The following FBXL17 variants were observed in gnomAD, a reference collection of about 807,000 sequenced individuals.
FBXL17 encodes F-box/LRR-repeat protein 17.
In FBXL17, 22 loss-of-function variants were observed where a neutral mutation model predicts 66.2. That is an observed-to-expected ratio of 0.33 (90% CI 0.24 to 0.47). The LOEUF (loss-of-function observed/expected upper bound fraction) is 0.47. Among genes scored for constraint, FBXL17 ranks in the 20% least tolerant of loss-of-function variants. FBXL17 has a pLI of 1.00. For missense variants in FBXL17, 878 were observed against 948.2 expected, an observed-to-expected ratio of 0.93 and a Z score of 0.97; for synonymous variants, 474 against 400.5, an observed-to-expected ratio of 1.18 and a Z score of -2.19.
intron 7 of FBXL17, among the ~76,000 whole-genome samples, chr5:107,979,393 A>T (rs912647416): frequency 6.6e-6 from 1 of 152,232 alleles, no homozygotes; most frequent in African/African-American, 2.4e-5. Flanking sequence ...GGACCCATCA[A>T]TGTTAAGGGA....
chr5:108,051,284 A>G (rs1747463951), intron 6 of FBXL17, among the ~76,000 whole-genome samples: 1 of 152,190 alleles, frequency 6.6e-6, no homozygotes. Context: ...ACACAACAAC[A>G]AAAAAGAAAA....
At chr5:108,233,153 A>T in intron 4 of FBXL17, among the ~76,000 whole-genome samples, 1 of 151,346 alleles carries the variant, frequency 6.6e-6, no homozygotes. Context: ...CTGAATAAAC[A>T]CCCTTATCAG....
intron 8 of FBXL17, among the ~76,000 whole-genome samples, chr5:107,877,092 C>T (rs528382166): frequency 6.6e-6 from 1 of 152,304 alleles, no homozygotes; most frequent in South Asian, 2.1e-4. Context: ...TCTTACAATG[C>T]ACTAAAGTTT....
chr5:108,341,012 C>T (rs1170155671), intron 4 of FBXL17, among the ~76,000 whole-genome samples: 2 of 151,960 alleles, frequency 1.3e-5, no homozygotes, highest in Non-Finnish European at 1.5e-5. Context: ...TCATATATGC[C>T]GTAGAGAACT....
At chr5:107,950,673 T>A (rs950212055) in intron 7 of FBXL17, among the ~76,000 whole-genome samples, 2 of 152,200 alleles carry the variant, frequency 1.3e-5, no homozygotes, top group African/African-American at 2.4e-5. Flanking sequence ...TTAGAACATG[T>A]TTTAGAGCTG....
At chr5:108,017,215 C>T (rs979955378) in intron 7 of FBXL17, among the ~76,000 whole-genome samples, 5 of 152,134 alleles carry the variant, frequency 3.3e-5, no homozygotes, top group African/African-American at 7.2e-5. Flanking sequence ...GAAAGTAGCA[C>T]AAAGGAGAGA....
chr5:107,956,046 A>G (rs1335734994), intron 7 of FBXL17, among the ~76,000 whole-genome samples: 1 of 152,168 alleles, frequency 6.6e-6, no homozygotes, highest in East Asian at 1.9e-4. Context: ...CACAGAAGGA[A>G]TCTTATCAAT....
chr5:108,096,674 TG>T (rs990366698), intron 6 of FBXL17, among the ~76,000 whole-genome samples: 15 of 152,264 alleles, frequency 9.9e-5, no homozygotes, highest in African/African-American at 3.6e-4. Context: ...TTCTTATTTG[TG>T]GGGTGTGGGA....
intron 6 of FBXL17, among the ~76,000 whole-genome samples, chr5:108,078,140 A>T (rs1488222915): frequency 6.6e-6 from 1 of 152,240 alleles, no homozygotes; most frequent in Non-Finnish European, 1.5e-5. Context: ...TGCCTACATC[A>T]TATATACAGG....
chr5:108,193,597 G>A (rs1753558925), intron 5 of FBXL17, among the ~76,000 whole-genome samples: 2 of 151,966 alleles, frequency 1.3e-5, no homozygotes, highest in Admixed American at 1.3e-4. Flanking sequence ...TCTCAGCTAG[G>A]GTATTAAAAT....
chr5:108,261,047 T>A (rs924614325), intron 4 of FBXL17, among the ~76,000 whole-genome samples: 1 of 152,054 alleles, frequency 6.6e-6, no homozygotes, highest in Admixed American at 6.6e-5. Flanking sequence ...AAAATAATGT[T>A]AAGTATTAGT....
intron 4 of FBXL17, among the ~76,000 whole-genome samples, chr5:108,317,698 A>T (rs1759435221): frequency 6.6e-6 from 1 of 151,468 alleles, no homozygotes; most frequent in African/African-American, 2.4e-5. Context: ...TTATACCAAT[A>T]AGCATAACCT....
intron 6 of FBXL17, among the ~76,000 whole-genome samples, chr5:108,151,700 C>G (rs114449835): frequency 6.6e-6 from 1 of 152,122 alleles, no homozygotes; most frequent in East Asian, 1.9e-4. Context: ...CTTTCTATTA[C>G]GCAAAATGGA....
chr5:107,989,601 A>C (rs1580293559), intron 7 of FBXL17, among the ~76,000 whole-genome samples: 1 of 152,156 alleles, frequency 6.6e-6, no homozygotes, highest in East Asian at 1.9e-4. Context: ...TAGTAATAGA[A>C]GTGCAGCTAT....
intron 6 of FBXL17, among the ~76,000 whole-genome samples, chr5:108,027,682 C>T (rs1002719948): frequency 6.6e-6 from 1 of 151,876 alleles, no homozygotes; most frequent in Non-Finnish European, 1.5e-5. Context: ...AATGTTCCTA[C>T]CTAGGAGCAG....
chr5:107,992,508 C>T (rs1753291401), intron 7 of FBXL17, among the ~76,000 whole-genome samples: 1 of 152,102 alleles, frequency 6.6e-6, no homozygotes, highest in Non-Finnish European at 1.5e-5. Context: ...AAAAACACTG[C>T]CATTACTAAG....
chr5:108,314,473 C>G (rs1418515950), intron 4 of FBXL17, among the ~76,000 whole-genome samples: 1 of 151,560 alleles, frequency 6.6e-6, no homozygotes, highest in Non-Finnish European at 1.5e-5. Flanking sequence ...TATAACTTAA[C>G]ATTTCATTCA....
chr5:108,107,907 A>G (rs531533936), intron 6 of FBXL17, among the ~76,000 whole-genome samples: 1 of 152,276 alleles, frequency 6.6e-6, no homozygotes, highest in Non-Finnish European at 1.5e-5. Flanking sequence ...CACCTAGAAT[A>G]AAATCCAGAC....
At chr5:107,959,617 G>C (rs1005736950) in intron 7 of FBXL17, among the ~76,000 whole-genome samples, 5 of 152,092 alleles carry the variant, frequency 3.3e-5, no homozygotes, top group African/African-American at 1.2e-4. Flanking sequence ...TATTTTAATA[G>C]GAGTGGCTTT....
Sources: allele counts gnomAD v4.1 joint callset (sites outside exome capture counted in the v4.1 genomes callset), GRCh38; gene constraint gnomAD v4.1.1; transcripts MANE v1.5; gene names NCBI Gene and HGNC (gene_info 2026-07-23, HGNC 2026-07-21).